ANGPT1: variants seen among roughly 807,000 people sequenced by gnomAD.
The protein encoded by ANGPT1 is angiopoietin 1.
A neutral mutation model predicts 62.2 loss-of-function variants in ANGPT1; 17 were observed. That is an observed-to-expected ratio of 0.27 (90% confidence interval 0.19 to 0.41). The LOEUF (loss-of-function observed/expected upper bound fraction) is 0.41, where lower values mean the gene tolerates loss of function less well. Ranked by LOEUF, ANGPT1 falls within the 10% of genes least tolerant of loss-of-function variation. The probability of loss-of-function intolerance (pLI) is 1.00; values close to 1 mark genes in which losing one functional copy is unlikely to be tolerated. For missense variants in ANGPT1, 478 were observed against 594.9 expected, an observed-to-expected ratio of 0.80 and a Z score of 2.04; for synonymous variants, 199 against 198.9, an observed-to-expected ratio of 1.00 and a Z score of 0.00.
intron 1 of ANGPT1, among the ~76,000 whole-genome samples, chr8:107,486,236 G>A (rs554310758): frequency 6.6e-6 from 1 of 152,196 alleles, no homozygotes; most frequent in Non-Finnish European, 1.5e-5. Context: ...GAGGAGACAT[G>A]GCAAACGTTG....
intron 1 of ANGPT1, among the ~76,000 whole-genome samples, chr8:107,398,211 T>G (rs1816973719): frequency 6.6e-6 from 1 of 152,200 alleles, no homozygotes; most frequent in African/African-American, 2.4e-5. Context: ...GTTCTTATTT[T>G]ATGTCAGGAC....
chr8:107,370,834 A>T (rs1816394757), intron 1 of ANGPT1, among the ~76,000 whole-genome samples: 2 of 152,102 alleles, frequency 1.3e-5, no homozygotes. Flanking sequence ...TAACAGATAA[A>T]ATGATAATGG....
At chr8:107,273,878 T>G (rs974289626) in intron 7 of ANGPT1, among the ~76,000 whole-genome samples, 3 of 151,128 alleles carry the variant, frequency 2.0e-5, no homozygotes, top group Non-Finnish European at 2.9e-5. Context: ...TTATACAAAA[T>G]TTTGTGTTTC....
chr8:107,461,582 C>CA (rs1812074003), intron 1 of ANGPT1, among the ~76,000 whole-genome samples: 1 of 151,880 alleles, frequency 6.6e-6, no homozygotes. Context: ...GTCCTAGAAT[C>CA]AATAAATACA....
intron 7 of ANGPT1, among the ~76,000 whole-genome samples, chr8:107,277,767 A>G (rs1361268739): frequency 1.3e-5 from 2 of 152,186 alleles, no homozygotes; most frequent in African/African-American, 4.8e-5. Context: ...AAATAGTCAG[A>G]TAAGCCCAGA....
intron 3 of ANGPT1, among the ~76,000 whole-genome samples, chr8:107,324,205 G>GTA (rs749951958): frequency 0.24 from 28,658 of 118,780 alleles, 3,114 homozygotes; most frequent in Middle Eastern, 0.37. Flanking sequence ...GTATATATAT[G>GTA]TATATATATA....
intron 7 of ANGPT1, among the ~76,000 whole-genome samples, chr8:107,269,576 T>C (rs1813692358): frequency 6.6e-6 from 1 of 152,050 alleles, no homozygotes; most frequent in Non-Finnish European, 1.5e-5. Context: ...AATAACAGCA[T>C]GGGAATCCTG....
chr8:107,340,864 TA>T (rs1554584179), intron 2 of ANGPT1, among the ~76,000 whole-genome samples: 1 of 152,152 alleles, frequency 6.6e-6, no homozygotes, highest in Non-Finnish European at 1.5e-5. Flanking sequence ...CCTTTTGCTT[TA>T]TTTTTTTTTC....
intron 7 of ANGPT1, among the ~76,000 whole-genome samples, chr8:107,271,325 C>G (rs1346027336): frequency 6.6e-6 from 1 of 152,034 alleles, no homozygotes; most frequent in African/African-American, 2.4e-5. Context: ...AAGACTGCTG[C>G]ATGCAAAATA....
intron 1 of ANGPT1, among the ~76,000 whole-genome samples, chr8:107,417,251 G>A (rs941064259): frequency 6.6e-6 from 1 of 152,108 alleles, no homozygotes; most frequent in Non-Finnish European, 1.5e-5. Flanking sequence ...AATATCATAG[G>A]TTGCCATTAT....
rs1291606170 is a variant in ANGPT1, at chr8:107,405,807, A to C, written c.298-58710T>G. ...GTCTTTATTTTGTGTTGAACTTATA[A>C]ATTATTTAAATTTTTTATTTAAAAT... is the stretch of plus-strand genomic sequence containing the variant. On this transcript the variant is annotated intron_variant, in intron 1 of 8. Transcript: ENST00000517746. Among the ~76,000 whole-genome samples the C allele has an allele frequency of 2.6e-5, 4 of 151,916 alleles. No individual in the cohort carries two copies. The East Asian group carries it at 7.7e-4, about 29-fold the overall frequency.
rs959399483 is a variant in ANGPT1 at position 107,258,191 on chromosome 8, T to C, written c.1336+6030A>G. On this transcript the variant is annotated intron_variant, in intron 8 of 8. Transcript: ENST00000517746. ...AGAGCTCTGTCATTCTCTTTGAATG[T>C]CATCCCTTTTAATGGAGGCAGTAGA... Among the ~76,000 whole-genome samples, 7 of 152,182 alleles carry C rather than the reference T, an allele frequency of 4.6e-5. No homozygotes were observed. In the South Asian group the frequency reaches 1.0e-3, roughly 23 times the overall value.
intron 1 of ANGPT1, among the ~76,000 whole-genome samples, chr8:107,382,718 A>T (rs916409877): frequency 3.9e-5 from 6 of 152,144 alleles, no homozygotes; most frequent in Non-Finnish European, 7.3e-5. Context: ...CTAGGAGACA[A>T]CTTAGAAATT....
chr8:107,299,580 T>C (rs1422848714), intron 5 of ANGPT1, among the ~76,000 whole-genome samples: 3 of 141,540 alleles, frequency 2.1e-5, no homozygotes, highest in African/African-American at 7.7e-5. Flanking sequence ...ATATAGCATA[T>C]ATAGATATAG....
chr8:107,354,916 CTT>C (rs780289972), intron 1 of ANGPT1, among the ~76,000 whole-genome samples: 26 of 135,830 alleles, frequency 1.9e-4, no homozygotes, highest in Non-Finnish European at 2.6e-4. Flanking sequence ...GATGGTGTTG[CTT>C]TTTTTTTTTT....
In ANGPT1 at chr8:107,251,972, C is replaced by T. The variant is rs200481277; in HGVS notation, c.1380G>A (p.Met460Ile). 364 of 1,613,726 alleles carry T rather than the reference C, an allele frequency of 2.3e-4. 1 individual carries two copies. The highest frequency in any genetic ancestry group is 2.9e-4 in the Non-Finnish European group (344 of 1,179,876). The change falls in exon 9 of 9, where the codon ATG becomes ATA. Residue 460 changes from methionine (M) to isoleucine (I), a missense_variant. This residue lies in a region of ANGPT1 where 35 missense variants were observed against 49.6 expected (regional missense o/e 0.71). Coordinates refer to ENST00000517746, the MANE Select transcript of ANGPT1 (RefSeq NM_001146.5). Reference sequence around the variant, plus strand: ...CATGGTTTTGTCCCGCAGTATAGAACATTCCATTTAGATTGGAGGGGCCAC... The same window carrying T: ...CATGGTTTTGTCCCGCAGTATAGAATATTCCATTTAGATTGGAGGGGCCAC... ...DACGPSNLNG[M>I]FYTAGQNHGK... is the part of the protein sequence containing the mutation.
intron 1 of ANGPT1, among the ~76,000 whole-genome samples, chr8:107,383,597 C>T (rs1043945122): frequency 5.9e-5 from 9 of 152,074 alleles, no homozygotes; most frequent in Non-Finnish European, 1.2e-4. Context: ...AGGCACTTAC[C>T]GACACACAAC....
At chr8:107,386,580 T>A (rs1816735640) in intron 1 of ANGPT1, among the ~76,000 whole-genome samples, 1 of 152,046 alleles carries the variant, frequency 6.6e-6, no homozygotes, top group African/African-American at 2.4e-5. Flanking sequence ...AGGTTAGAAA[T>A]AAGCCAACCT....
chr8:107,258,874 T>C (rs1813429354), intron 8 of ANGPT1, among the ~76,000 whole-genome samples: 1 of 152,186 alleles, frequency 6.6e-6, no homozygotes, highest in Admixed American at 6.5e-5. Flanking sequence ...ATACTAACAT[T>C]CATTTATGTA....
Sources: allele counts gnomAD v4.1 joint callset (sites outside exome capture counted in the v4.1 genomes callset), GRCh38; gene constraint gnomAD v4.1.1; regional missense constraint gnomAD v4.1.1; transcripts MANE v1.5; gene names NCBI Gene and HGNC (gene_info 2026-07-23, HGNC 2026-07-21).